Variants in NDUFA10 observed in about 807,000 individuals in gnomAD.
NDUFA10 encodes NADH dehydrogenase [ubiquinone] 1 alpha subcomplex subunit 10, mitochondrial.
Under a neutral mutation model 47.8 loss-of-function variants are expected in NDUFA10, and 40 were observed. That is an observed-to-expected ratio of 0.84 (90% CI 0.65 to 1.09). The LOEUF is 1.09. NDUFA10 is among the 50% of genes least tolerant of loss of function. The probability of loss-of-function intolerance (pLI) is 0.00; values close to 1 mark genes in which losing one functional copy is unlikely to be tolerated. For synonymous variants in NDUFA10, 183 were observed against 172.2 expected (o/e 1.06, Z -0.49); for missense variants, 413 against 451.1 (o/e 0.92, Z 0.76).
rs78516618 is a variant in NDUFA10, at chr2:240,017,187, T to C, written c.547+1366A>G. Among the ~76,000 whole-genome samples the C allele has an allele frequency of 4.3e-3, 657 of 152,318 alleles. 13 individuals carry two copies. Among genetic ancestry groups the C allele is most frequent in the East Asian group, 0.042 (220 of 5,178 alleles). On this transcript the variant is annotated intron_variant, in intron 4 of 9. Coordinates refer to ENST00000252711, the MANE Select transcript of NDUFA10 (RefSeq NM_004544.4). ...CTCACATCTAACCATGTCTCTGCCA[T>C]GCTAAAAATCCTCCAGTGGTCCCTC...
chr2:239,919,344 C>G (rs114312171), intron 4 of NDUFA10, among the ~76,000 whole-genome samples: 2,815 of 152,198 alleles, frequency 0.018, 83 homozygotes, highest in African/African-American at 0.064. Flanking sequence ...CCTCCCTCCT[C>G]ACTCTCTGCC....
Position 240,007,333 on chromosome 2 carries a change from C to A in NDUFA10, c.787G>T (p.Ala263Ser). The change falls in exon 7 of 10, where the codon GCT becomes TCT. Residue 263 changes from alanine (A) to serine (S), a missense_variant. By Grantham distance (99) the Ala-to-Ser change is moderately conservative (BLOSUM62 1). Coordinates refer to ENST00000252711, the MANE Select transcript of NDUFA10 (RefSeq NM_004544.4). ...CEVLQYSAREAQDSKKVVEDI... is the reference protein window; with the variant it reads ...CEVLQYSARESQDSKKVVEDI... ...TTTCTTACCTTTTTTGAATCTTGAG[C>A]TTCCCTTGCAGAATATTGTAAAACC... is the stretch of plus-strand genomic sequence containing the variant. 1 of 1,594,532 alleles carries A rather than the reference C, an allele frequency of 6.3e-7. No individual in the cohort carries two copies. Among genetic ancestry groups the A allele is most frequent in the South Asian group, 1.1e-5 (1 of 90,676 alleles).
At chr2:239,964,901 G>A (rs529555189) in intron 9 of NDUFA10, among the ~76,000 whole-genome samples, 11 of 152,246 alleles carry the variant, frequency 7.2e-5, no homozygotes, top group South Asian at 2.1e-4. Context: ...AGGTTTTCCC[G>A]TTTAACCAAC....
chr2:239,960,786 T>C lies in NDUFA10; in HGVS notation c.*332A>G. The C allele has an allele frequency of 8.0e-7, 1 of 1,247,092 alleles. No homozygotes were observed. Among genetic ancestry groups the C allele is most frequent in the South Asian group, 1.6e-5 (1 of 62,138 alleles). The allele number at this position is 1,247,092 out of a possible 1,614,324, so 77.3% of individuals were successfully genotyped here. A position where few individuals can be genotyped will look rare whatever the true frequency, so the allele number is the denominator to read the frequency against. ...TCTGGAAGTCAGAAGAAAAACAATGTGCACAACCTGAATGACACAGAGCGG... is the reference window on the plus strand; with the variant it reads ...TCTGGAAGTCAGAAGAAAAACAATGCGCACAACCTGAATGACACAGAGCGG... On this transcript the variant is annotated 3_prime_UTR_variant, in exon 10 of 10. Coordinates refer to ENST00000252711, the MANE Select transcript of NDUFA10 (RefSeq NM_004544.4).
chr2:239,919,249 G>A (rs1431759352), intron 4 of NDUFA10, among the ~76,000 whole-genome samples: 1 of 152,152 alleles, frequency 6.6e-6, no homozygotes, highest in Non-Finnish European at 1.5e-5. Context: ...CCCTCTTCGG[G>A]CTGTTTTCTC....
At chr2:239,965,738 G>A in intron 9 of NDUFA10, among the ~76,000 whole-genome samples, 1 of 152,188 alleles carries the variant, frequency 6.6e-6, no homozygotes, top group East Asian at 1.9e-4. Flanking sequence ...AGAAGTCAGG[G>A]CTTCTGCCGA....
At chr2:239,914,999 CACACACAGAGAG>C (rs1693826413) in intron 4 of NDUFA10, among the ~76,000 whole-genome samples, 1 of 144,202 alleles carries the variant, frequency 6.9e-6, no homozygotes, top group Non-Finnish European at 1.5e-5. Flanking sequence ...AATATATAGA[CACACACAGAGAG>C]ACACACAGAG....
downstream of NDUFA10, among the ~76,000 whole-genome samples, chr2:239,955,420 T>A (rs1694633949): frequency 1.3e-5 from 2 of 152,318 alleles, no homozygotes; most frequent in South Asian, 4.1e-4. Flanking sequence ...GGATTCTGTG[T>A]TGTTCTGAGC....
At chr2:239,967,975 A>AAT (rs398043057) in intron 9 of NDUFA10, among the ~76,000 whole-genome samples, 4 of 42,086 alleles carry the variant, frequency 9.5e-5, no homozygotes, top group African/African-American at 4.0e-4. Context: ...CAAGGAAAAA[A>AAT]ATATACACAC....
chr2:239,911,680 C>CGTGTGTGTGTGTGT (rs112686987), intron 4 of NDUFA10, among the ~76,000 whole-genome samples: 1 of 149,734 alleles, frequency 6.7e-6, no homozygotes, highest in Non-Finnish European at 1.5e-5. Flanking sequence ...AGTGTGTGTG[C>CGTGTGTGTGTGTGT]GTGTGTGTGT....
Position 239,959,411 on chromosome 2 carries a change from G to A in NDUFA10, c.*1707C>T, listed in dbSNP as rs1444143018. 2 of 985,382 alleles carry A rather than the reference G, an allele frequency of 2.0e-6. No individual in the cohort carries two copies. The highest frequency in any genetic ancestry group is 1.7e-5 in the African/African-American group (1 of 57,260). 61.0% of individuals were successfully genotyped at this position (985,382 alleles called of 1,614,324 possible). A position where few individuals can be genotyped will look rare whatever the true frequency, so the allele number is the denominator to read the frequency against. On this transcript the variant is annotated 3_prime_UTR_variant, in exon 10 of 10. Transcript: ENST00000252711. ...ATTAGGAACAGCTAAGATAATTAAA[G>A]ATGGCTTTCTTTTTCTTTCCTCCCC...
intron 4 of NDUFA10, among the ~76,000 whole-genome samples, chr2:239,901,590 C>A (rs1693551272): frequency 6.6e-6 from 1 of 151,958 alleles, no homozygotes; most frequent in Admixed American, 6.6e-5. Flanking sequence ...AACATCCATT[C>A]TTCAGCCCAT....
In NDUFA10 at chr2:239,895,316, T is replaced by C. The variant is rs1258492206; in HGVS notation, c.295-2A>G. The C allele has an allele frequency of 4.3e-6, 2 of 465,556 alleles. No homozygotes were observed. The highest frequency in any genetic ancestry group is 4.5e-6 in the Non-Finnish European group (1 of 224,148). The allele number at this position is 465,556 out of a possible 1,614,324, so 28.8% of individuals were successfully genotyped here. On this transcript the variant is annotated splice_acceptor_variant, in intron 4 of 5. Coordinates refer to the NDUFA10 transcript ENST00000419408. LOFTEE classifies it high-confidence loss of function. ...TCTGTGCTCCTGGTCTGCTGGGACC[T>C]AGAGACGAAGAGGACAGTGACCACA...
rs1233645845 is a variant in NDUFA10, at chr2:239,928,521, AGCCGCTGCTG to A, written c.295-33217_295-33208del. ...GACTCCTCGGCCCTGGCCCACCGCGAGCCGCTGCTGGGTTTAATGCAGTTCCTGTCTCCCA... is the reference window on the plus strand; with the variant it reads ...GACTCCTCGGCCCTGGCCCACCGCGAGGTTTAATGCAGTTCCTGTCTCCCA... On this transcript the variant is annotated intron_variant, in intron 4 of 5. Coordinates refer to the NDUFA10 transcript ENST00000419408. The surrounding 1 kb of genome is among the most constrained non-coding windows in gnomAD (Gnocchi z 4.3). Among the ~76,000 whole-genome samples, 1 of 152,130 alleles carries A rather than the reference AGCCGCTGCTG, an allele frequency of 6.6e-6. No homozygotes were observed. Among genetic ancestry groups the A allele is most frequent in the Non-Finnish European group, 1.5e-5 (1 of 68,030 alleles).
intron 9 of NDUFA10, among the ~76,000 whole-genome samples, chr2:239,965,661 A>C (rs1251929590): frequency 6.6e-6 from 1 of 152,186 alleles, no homozygotes; most frequent in African/African-American, 2.4e-5. Context: ...GCGGTGAACT[A>C]TCTCAGGTGA....
intron 4 of NDUFA10, among the ~76,000 whole-genome samples, chr2:239,929,501 T>C (rs970190633): frequency 2.0e-5 from 3 of 152,168 alleles, no homozygotes; most frequent in Admixed American, 6.5e-5. Context: ...ATTTAATCAG[T>C]GGTGATTTTC....
At position 239,919,590 on chromosome 2, in the gene NDUFA10, C is replaced by T. The variant is rs556451451; in HGVS notation, c.295-24276G>A. On this transcript the variant is annotated intron_variant, in intron 4 of 5. Transcript: ENST00000419408. ...CAGATTCACCAAAACACCTGCAGTG[C>T]CCGCCACTGGGTGTGGGGTTATGGG... 1.1e-4 allele frequency among the ~76,000 whole-genome samples: 16 copies of T among 152,298 alleles called. No homozygotes were observed. In the East Asian group the frequency reaches 3.1e-3, roughly 29 times the overall value.
chr2:239,999,666 G>C (rs530657179), intron 8 of NDUFA10, among the ~76,000 whole-genome samples: 1 of 152,140 alleles, frequency 6.6e-6, no homozygotes, highest in South Asian at 2.1e-4. Flanking sequence ...GTTCCTTTAC[G>C]TAACTCTCTT....
intron 9 of NDUFA10, among the ~76,000 whole-genome samples, chr2:239,968,665 C>G (rs759094191): frequency 6.6e-6 from 1 of 152,138 alleles, no homozygotes; most frequent in Non-Finnish European, 1.5e-5. Flanking sequence ...AAAAGAGCTC[C>G]AGAAATCTGC....
Sources: allele counts gnomAD v4.1 joint callset (sites outside exome capture counted in the v4.1 genomes callset), GRCh38; gene constraint gnomAD v4.1.1; non-coding constraint Gnocchi (gnomAD v3.1); transcripts MANE v1.5; gene names NCBI Gene and HGNC (gene_info 2026-07-23, HGNC 2026-07-21).